Variants in LMBRD1 observed in about 807,000 individuals in gnomAD.
LMBRD1 encodes the protein LMBR1 domain containing 1.
A neutral mutation model predicts 74.8 loss-of-function variants in LMBRD1; 64 were observed. That is an observed-to-expected ratio of 0.86 (90% confidence interval 0.70 to 1.05). LMBRD1 has a LOEUF of 1.05. Ranked by LOEUF, LMBRD1 falls within the 50% of genes least tolerant of loss-of-function variation. The pLI, the probability that LMBRD1 is intolerant of heterozygous loss-of-function variation, is 0.00. For missense variants in LMBRD1, 652 were observed against 645.9 expected (o/e 1.01, Z -0.10); for synonymous variants, 204 against 216.3 (o/e 0.94, Z 0.50).
At chr6:69,683,256 C>T (rs1765699522) in intron 14 of LMBRD1, among the ~76,000 whole-genome samples, 1 of 151,956 alleles carries the variant, frequency 6.6e-6, no homozygotes, top group African/African-American at 2.4e-5. Flanking sequence ...AGCTAGATAC[C>T]AGCCAATAAG....
chr6:69,772,053 C>A (rs1408050423), intron 3 of LMBRD1, among the ~76,000 whole-genome samples: 10 of 152,090 alleles, frequency 6.6e-5, no homozygotes, highest in East Asian at 1.9e-4. Context: ...GAAAAAAAAC[C>A]TACTGTATGA....
intron 9 of LMBRD1, chr6:69,705,311 G>A (rs1766228395): frequency 1.3e-6 from 1 of 751,288 alleles, no homozygotes; most frequent in Non-Finnish European, 2.4e-6. Context: ...TCAACTGCCA[G>A]AGATCTTGAA....
chr6:69,676,195 T>C lies in LMBRD1; in HGVS notation c.1586A>G (p.Asp529Gly). ...SVIEGVDEDS[D>G]ISDDEPSVYS... The stretch of plus-strand genomic sequence containing the variant: ...GACAGAGGGCTCATCATCACTTATG[T>C]CTGAATCTTCATCTACTCCTTCAAT... Residue 529 changes from aspartate to glycine, a missense_variant, in exon 16 of 16, where the codon GAC (aspartate) becomes GGC (glycine). Transcript: ENST00000649934. 6.2e-7 allele frequency: 1 copy of C among 1,613,458 alleles called. No homozygotes were observed. Among genetic ancestry groups the C allele is most frequent in the Non-Finnish European group, 8.5e-7 (1 of 1,179,630 alleles).
chr6:69,755,111 C>T (rs1385963134), intron 3 of LMBRD1, among the ~76,000 whole-genome samples: 1 of 152,140 alleles, frequency 6.6e-6, no homozygotes, highest in Non-Finnish European at 1.5e-5. Flanking sequence ...AATCATTCTA[C>T]TATAAAGACA....
intron 1 of LMBRD1, 58 bp downstream of exon 1, chr6:69,796,755 T>C (rs1766242831): frequency 1.3e-6 from 2 of 1,532,966 alleles, no homozygotes; most frequent in Non-Finnish European, 1.8e-6. Flanking sequence ...CTGCAGGGCC[T>C]GCCCCTCCCT....
At chr6:69,782,132 A>T (rs1765844520) in intron 2 of LMBRD1, among the ~76,000 whole-genome samples, 1 of 152,252 alleles carries the variant, frequency 6.6e-6, no homozygotes, top group Admixed American at 6.5e-5. Flanking sequence ...GACATTCTTT[A>T]TTGAATCGAT....
chr6:69,745,557 C>T lies in LMBRD1; in HGVS notation c.474-3680G>A, dbSNP rs1767207910. ...ACAGGCGTGAGCCACCGCGCCCGGC[C>T]AAAAATTTCTTAAACATGGCATGTA... is the stretch of plus-strand genomic sequence containing the variant. On this transcript the variant is annotated intron_variant, in intron 5 of 15. Transcript: ENST00000649934. Among the ~76,000 whole-genome samples the T allele has an allele frequency of 2.6e-5, 4 of 152,114 alleles. No individual in the cohort carries two copies. In the South Asian group the frequency reaches 8.3e-4, roughly 32 times the overall value.
intron 7 of LMBRD1, among the ~76,000 whole-genome samples, chr6:69,722,930 T>C (rs573346767): frequency 2.6e-5 from 4 of 152,166 alleles, no homozygotes; most frequent in African/African-American, 4.8e-5. Context: ...CATTGATCTG[T>C]TGCCTACAAG....
At chr6:69,786,584 G>A (rs993833664) in intron 2 of LMBRD1, among the ~76,000 whole-genome samples, 2 of 151,460 alleles carry the variant, frequency 1.3e-5, no homozygotes, top group Non-Finnish European at 2.9e-5. Context: ...ACTTCCAGCT[G>A]TACTCTAAAA....
chr6:69,771,218 C>A (rs1354363183), intron 3 of LMBRD1, among the ~76,000 whole-genome samples: 1 of 152,230 alleles, frequency 6.6e-6, no homozygotes, highest in African/African-American at 2.4e-5. Flanking sequence ...GCCAATGCAG[C>A]AGTTATCCCA....
In LMBRD1 at chr6:69,685,437, T is replaced by C. The variant is rs1188407626; in HGVS notation, c.1418-8896A>G. The stretch of plus-strand genomic sequence containing the variant: ...GAGAAATGGCATTATCAGCATACTT[T>C]GGAAGAGTGGTTTCCACAGTGTGGT... On this transcript the variant is annotated intron_variant, in intron 14 of 15. Transcript: ENST00000649934. Among the ~76,000 whole-genome samples the C allele has an allele frequency of 2.6e-5, 4 of 152,202 alleles. No individual in the cohort carries two copies. The East Asian group carries it at 7.7e-4, about 29-fold the overall frequency.
chr6:69,786,771 C>A (rs1051260938), intron 2 of LMBRD1, among the ~76,000 whole-genome samples: 2 of 152,202 alleles, frequency 1.3e-5, no homozygotes, highest in Non-Finnish European at 2.9e-5. Flanking sequence ...GTAACTAAAA[C>A]AAAAATAAAG....
intron 14 of LMBRD1, among the ~76,000 whole-genome samples, chr6:69,686,556 TAAAC>T (rs1464199138): frequency 5.9e-5 from 9 of 152,182 alleles, no homozygotes; most frequent in Admixed American, 5.2e-4. Flanking sequence ...TGTGAAATAT[TAAAC>T]AAATACTTTC....
chr6:69,715,918 GCTCC>G (rs533882958), intron 8 of LMBRD1, among the ~76,000 whole-genome samples: 74 of 152,168 alleles, frequency 4.9e-4, no homozygotes, highest in African/African-American at 1.7e-3. Context: ...ATGGCCTCCA[GCTCC>G]CTCCATGTCC....
At chr6:69,771,456 A>G (rs1454157187) in intron 3 of LMBRD1, among the ~76,000 whole-genome samples, 5 of 152,184 alleles carry the variant, frequency 3.3e-5, no homozygotes. Flanking sequence ...CTCAGAAGTG[A>G]CATCCCATCA....
At chr6:69,778,778 A>C (rs975921227) in intron 3 of LMBRD1, among the ~76,000 whole-genome samples, 1 of 152,208 alleles carries the variant, frequency 6.6e-6, no homozygotes, top group African/African-American at 2.4e-5. Context: ...CATCAGAAAT[A>C]ATAAATTATA....
chr6:69,785,688 A>G (rs779822324), intron 2 of LMBRD1, among the ~76,000 whole-genome samples: 1 of 152,162 alleles, frequency 6.6e-6, no homozygotes, highest in Non-Finnish European at 1.5e-5. Flanking sequence ...CTCTACTAGC[A>G]CCACTCTAGC....
chr6:69,729,720 G>A (rs936817510), intron 7 of LMBRD1, among the ~76,000 whole-genome samples: 1 of 151,854 alleles, frequency 6.6e-6, no homozygotes, highest in African/African-American at 2.4e-5. Flanking sequence ...GGTAACATAA[G>A]ACCAGAACAA....
Position 69,746,005 on chromosome 6 carries a change from T to C in LMBRD1, c.473+3336A>G, listed in dbSNP as rs143092622. The C allele has an allele frequency of 1.0e-3, 228 of 218,966 alleles. No homozygotes were observed. The Middle Eastern group carries it at 0.012, about 11-fold the overall frequency. 13.6% of individuals were successfully genotyped at this position (218,966 alleles called of 1,614,324 possible). On this transcript the variant is annotated intron_variant, in intron 5 of 15. Transcript: ENST00000649934. ...AGTGACCTTCACTACACGGCCTAAATGTTCCAGCACGATTCCACCCATGGC... is the reference window on the plus strand; with the variant it reads ...AGTGACCTTCACTACACGGCCTAAACGTTCCAGCACGATTCCACCCATGGC...
Sources: gnomAD v4.1 joint callset for allele counts (sites outside exome capture counted in the v4.1 genomes callset) on GRCh38, gnomAD v4.1.1 for gene constraint, MANE v1.5 for transcripts, NCBI Gene and HGNC (gene_info 2026-07-23, HGNC 2026-07-21) for gene names.